TEX2: variants seen among roughly 807,000 people sequenced by gnomAD.
The protein encoded by TEX2 is testis expressed 2.
TEX2 carries 53 observed loss-of-function variants against 106.9 expected under a neutral mutation model. The ratio of observed to expected loss-of-function variants is 0.50; its 90% CI spans 0.40 to 0.62. The LOEUF is 0.62. TEX2 is among the 20% of genes least tolerant of loss of function. The pLI is 0.00. For synonymous variants in TEX2, 523 were observed against 534.8 expected (o/e 0.98, Z 0.30); for missense variants, 1,207 against 1,379.0 (o/e 0.88, Z 1.98).
At chr17:64,170,005 C>T (rs973969103) in intron 7 of TEX2, among the ~76,000 whole-genome samples, 1 of 152,122 alleles carries the variant, frequency 6.6e-6, no homozygotes, top group African/African-American at 2.4e-5. Context: ...TTACCAAACT[C>T]CTGTGTACTA....
At chr17:64,170,146 C>G (rs1252561619) in intron 7 of TEX2, among the ~76,000 whole-genome samples, 2 of 152,206 alleles carry the variant, frequency 1.3e-5, no homozygotes, top group Non-Finnish European at 2.9e-5. Context: ...TTTAACCCCC[C>G]ACCCACAAAA....
At chr17:64,229,462 T>C (rs1213616901) in intron 1 of TEX2, among the ~76,000 whole-genome samples, 1 of 152,198 alleles carries the variant, frequency 6.6e-6, no homozygotes, top group Non-Finnish European at 1.5e-5. Context: ...TTCCAAATAT[T>C]TCCTTCCATC....
intron 1 of TEX2, among the ~76,000 whole-genome samples, chr17:64,219,847 C>G (rs1555633077): frequency 6.6e-6 from 1 of 152,186 alleles, no homozygotes; most frequent in African/African-American, 2.4e-5. Flanking sequence ...CTCCCCTACC[C>G]CACTCAGAGA....
intron 1 of TEX2, among the ~76,000 whole-genome samples, chr17:64,218,556 C>A (rs56251142): frequency 6.6e-6 from 1 of 151,958 alleles, no homozygotes; most frequent in African/African-American, 2.4e-5. Context: ...GTAGCTGGGA[C>A]TACAGACGCC....
chr17:64,184,874 T>C (rs943700493), intron 5 of TEX2, among the ~76,000 whole-genome samples: 1 of 152,234 alleles, frequency 6.6e-6, no homozygotes, highest in South Asian at 2.1e-4. Flanking sequence ...TTAGCACTCT[T>C]GTCTGAATTC....
intron 5 of TEX2, among the ~76,000 whole-genome samples, chr17:64,186,603 G>A (rs919392696): frequency 2.6e-5 from 4 of 152,134 alleles, no homozygotes; most frequent in Non-Finnish European, 5.9e-5. Context: ...CATCTCTTGA[G>A]CTCAGGAGTT....
chr17:64,212,595 G>C lies in TEX2; in HGVS notation c.1623C>G (p.Ile541Met). 4 of 1,613,836 alleles carry C rather than the reference G, an allele frequency of 2.5e-6. No homozygotes were observed. Among genetic ancestry groups the C allele is most frequent in the Non-Finnish European group, 3.4e-6 (4 of 1,179,816 alleles). ...LRHWNTRSLD[I>M]KEPEILKGWM... The stretch of plus-strand genomic sequence containing the variant: ...TTACCTTCAGTATTTCAGGTTCTTT[G>C]ATATCCAGAGATCTTGTGTTCCAGT... The change falls in exon 2 of 12, where the codon ATC becomes ATG. Residue 541 changes from isoleucine to methionine, a missense_variant. Ile to Met is a conservative substitution (Grantham distance 10, BLOSUM62 1). Coordinates refer to ENST00000584379, the MANE Select transcript of TEX2 (RefSeq NM_001288732.2).
At chr17:64,250,710 C>G (rs2034073840) in intron 1 of TEX2, among the ~76,000 whole-genome samples, 1 of 152,250 alleles carries the variant, frequency 6.6e-6, no homozygotes, top group African/African-American at 2.4e-5. Context: ...TTGACAGGGT[C>G]TCGCTCTGTT....
Position 64,148,302 on chromosome 17 carries a change from G to A in TEX2, c.*667C>T, listed in dbSNP as rs2030160341. On this transcript the variant is annotated 3_prime_UTR_variant, in exon 12 of 12. Coordinates refer to ENST00000584379, the MANE Select transcript of TEX2 (RefSeq NM_001288732.2). ...CCCCAGGTGGTTGTACCTCATTGGT[G>A]AAAGGCTTGGGATGGTTTGATCTCA... 1 of 152,682 alleles carries A rather than the reference G, an allele frequency of 6.5e-6. No individual in the cohort carries two copies. Among genetic ancestry groups the A allele is most frequent in the Non-Finnish European group, 1.5e-5 (1 of 68,070 alleles). 9.5% of individuals were successfully genotyped at this position (152,682 alleles called of 1,614,324 possible).
intron 1 of TEX2, among the ~76,000 whole-genome samples, chr17:64,228,817 G>GT (rs2033581471): frequency 1.3e-5 from 2 of 151,954 alleles, no homozygotes; most frequent in Non-Finnish European, 2.9e-5. Context: ...AAATAAAGTT[G>GT]TTTTTGTTTT....
intron 2 of TEX2, among the ~76,000 whole-genome samples, chr17:64,210,150 G>A (rs1311768716): frequency 2.6e-5 from 4 of 152,192 alleles, no homozygotes; most frequent in Admixed American, 6.5e-5. Context: ...TACTTGGAGA[G>A]CACGTACTTC....
intron 1 of TEX2, among the ~76,000 whole-genome samples, chr17:64,228,729 T>C (rs934810462): frequency 8.5e-5 from 13 of 152,180 alleles, no homozygotes; most frequent in Non-Finnish European, 1.5e-4. Flanking sequence ...GGCCCGGGGA[T>C]TGGGGACCCC....
chr17:64,203,845 A>G (rs2032746878), intron 2 of TEX2, among the ~76,000 whole-genome samples: 1 of 152,338 alleles, frequency 6.6e-6, no homozygotes, highest in East Asian at 1.9e-4. Context: ...CCCAGCAGTG[A>G]CACTAGAAGC....
chr17:64,153,261 TGGA>T lies in TEX2; in HGVS notation c.2931-110_2931-108del. ...TACTTTAGAGCACCACTCGATGTTTTGGATGTGGTGATTCTGTGTTGGGGCGGG... is the reference window on the plus strand; with the variant it reads ...TACTTTAGAGCACCACTCGATGTTTTTGTGGTGATTCTGTGTTGGGGCGGG... On this transcript the variant is annotated intron_variant, in intron 9 of 11. Transcript: ENST00000584379. The surrounding 1 kb of genome is among the most constrained non-coding windows in gnomAD (Gnocchi z 4.1). 1.3e-6 allele frequency: 1 copy of T among 771,650 alleles called. No individual in the cohort carries two copies. Among genetic ancestry groups the T allele is most frequent in the Non-Finnish European group, 2.1e-6 (1 of 467,270 alleles). 47.8% of individuals were successfully genotyped at this position (771,650 alleles called of 1,614,324 possible). A position where few individuals can be genotyped will look rare whatever the true frequency, so the allele number is the denominator to read the frequency against.
chr17:64,184,903 A>C (rs1319010058), intron 5 of TEX2, among the ~76,000 whole-genome samples: 1 of 152,218 alleles, frequency 6.6e-6, no homozygotes, highest in Non-Finnish European at 1.5e-5. Flanking sequence ...ATTTATTTTT[A>C]AATTGGATAT....
rs180795256 is a variant in TEX2, at chr17:64,205,969, T to C, written c.1644+6605A>G. 2.8e-3 allele frequency among the ~76,000 whole-genome samples: 425 copies of C among 152,350 alleles called. No homozygotes were observed. Among genetic ancestry groups the C allele is most frequent in the Middle Eastern group, 0.01 (3 of 294 alleles). ...AATTCAAAATTGCATCTGAGTCATA[T>C]ACTCAAACATAAATCCAAGACCCTT... is the stretch of plus-strand genomic sequence containing the variant. On this transcript the variant is annotated intron_variant, in intron 2 of 11. Coordinates refer to ENST00000584379, the MANE Select transcript of TEX2 (RefSeq NM_001288732.2). The surrounding 1 kb of genome is among the most constrained non-coding windows in gnomAD (Gnocchi z 4.0).
chr17:64,193,381 G>C (rs1055410638), intron 4 of TEX2, among the ~76,000 whole-genome samples, 178 bp downstream of exon 4: 1 of 152,198 alleles, frequency 6.6e-6, no homozygotes, highest in African/African-American at 2.4e-5. Flanking sequence ...ATTTGGGACA[G>C]ACGGCTGCAG....
intron 8 of TEX2, among the ~76,000 whole-genome samples, chr17:64,160,460 C>T (rs1027445455): frequency 4.6e-5 from 7 of 152,116 alleles, no homozygotes; most frequent in African/African-American, 7.2e-5. Flanking sequence ...TGTTTATGAC[C>T]GGAAGGATCT....
At chr17:64,255,455 C>T (rs1355159866) in intron 1 of TEX2, among the ~76,000 whole-genome samples, 1 of 152,116 alleles carries the variant, frequency 6.6e-6, no homozygotes, top group African/African-American at 2.4e-5. Context: ...ACCAACAATG[C>T]TTCATTGTGG....
Sources: allele counts gnomAD v4.1 joint callset (sites outside exome capture counted in the v4.1 genomes callset), GRCh38; gene constraint gnomAD v4.1.1; non-coding constraint Gnocchi (gnomAD v3.1); transcripts MANE v1.5; gene names NCBI Gene and HGNC (gene_info 2026-07-23, HGNC 2026-07-21).